LTN1: variants seen among roughly 807,000 people sequenced by gnomAD.
The protein encoded by LTN1 is listerin E3 ubiquitin protein ligase 1.
LTN1 carries 88 observed loss-of-function variants against 201.2 expected under a neutral mutation model. The ratio of observed to expected loss-of-function variants is 0.44; its 90% confidence interval spans 0.37 to 0.52. The LOEUF (loss-of-function observed/expected upper bound fraction) is 0.52. Ranked by LOEUF, LTN1 falls within the 20% of genes least tolerant of loss-of-function variation. The probability of loss-of-function intolerance (pLI) is 0.00; values close to 1 mark genes in which losing one functional copy is unlikely to be tolerated. For synonymous variants in LTN1, 645 were observed against 713.5 expected (o/e 0.90, Z 1.53); for missense variants, 1,752 against 2,038.7 (o/e 0.86, Z 2.71).
Position 28,943,733 on chromosome 21 carries a change from G to T in LTN1, c.4154C>A (p.Thr1385Lys). ...TCTGAAGAGGAGTAATGGGGCCAAT[G>T]TATTTAACAAAGTCTGGAGATATTC... ...LPEYLQTLLNTLAPLLLFRAR... is the reference protein window; with the variant it reads ...LPEYLQTLLNKLAPLLLFRAR... Residue 1385 changes from threonine to lysine, a missense_variant, in exon 23 of 30, where the codon ACA (threonine) becomes AAA (lysine). Thr to Lys is a moderately conservative substitution (Grantham distance 78, BLOSUM62 -1). Transcript: ENST00000361371. 3 of 1,613,854 alleles carry T rather than the reference G, an allele frequency of 1.9e-6. No individual in the cohort carries two copies. Among genetic ancestry groups the T allele is most frequent in the Non-Finnish European group, 2.5e-6 (3 of 1,179,868 alleles).
At chr21:28,979,574 C>T (rs918926529) in intron 6 of LTN1, among the ~76,000 whole-genome samples, 1 of 152,120 alleles carries the variant, frequency 6.6e-6, no homozygotes, top group African/African-American at 2.4e-5. Context: ...CTCAAGCACA[C>T]ACAAAAGCAC....
At chr21:28,970,270 G>A (rs1298781907) in intron 8 of LTN1, among the ~76,000 whole-genome samples, 1 of 152,096 alleles carries the variant, frequency 6.6e-6, no homozygotes, top group Non-Finnish European at 1.5e-5. Flanking sequence ...GGTGCAATTG[G>A]TTAGCACATT....
intron 6 of LTN1, among the ~76,000 whole-genome samples, chr21:28,973,689 G>A (rs1432365120): frequency 6.6e-6 from 1 of 152,070 alleles, no homozygotes; most frequent in Non-Finnish European, 1.5e-5. Context: ...AAACCATAAG[G>A]ACTGAGCAGA....
rs779077734 is a variant in LTN1, at chr21:28,944,386, T to C, written c.3979A>G (p.Thr1327Ala). Residue 1327 changes from threonine (T) to alanine (A), a missense_variant, in exon 22 of 30, where the codon ACA becomes GCA. Physicochemically the swap from Thr to Ala is moderately conservative, Grantham distance 58 (BLOSUM62 0). Around this residue, in one of 3 missense-constraint regions of LTN1, gnomAD observed 1,211 missense variants for 1,312.8 expected, o/e 0.92. Transcript: ENST00000361371. ...TATTATTCCCTTTTTCACTTGCCTG[T>C]AACAGTCACCAAAATAGGTAAAAGC... ...SLLLPILVTV[T>A]GENKDVSETS... The C allele has an allele frequency of 6.2e-7, 1 of 1,609,336 alleles. No individual in the cohort carries two copies. The highest frequency in any genetic ancestry group is 8.5e-7 in the Non-Finnish European group (1 of 1,175,682).
At chr21:28,965,358 T>C (rs2084512891) in intron 11 of LTN1, among the ~76,000 whole-genome samples, 1 of 152,214 alleles carries the variant, frequency 6.6e-6, no homozygotes, top group African/African-American at 2.4e-5. Context: ...GTAAATTGTT[T>C]ATGTTCTTTC....
At chr21:28,961,465 T>TCA (rs2084478496) in intron 11 of LTN1, 1 of 168,012 alleles carries the variant, frequency 6.0e-6, no homozygotes, top group Admixed American at 6.5e-5. Context: ...TGATCCATGT[T>TCA]CCCAGAGCTT....
intron 29 of LTN1, 74 bp from the exon 30 acceptor site, chr21:28,930,584 T>G (rs2084202997): frequency 1.0e-6 from 1 of 960,338 alleles, no homozygotes; most frequent in South Asian, 1.5e-5. Context: ...AAAGTACACA[T>G]ACATCTATAG....
intron 19 of LTN1, among the ~76,000 whole-genome samples, chr21:28,947,024 T>C (rs1235465811): frequency 6.6e-6 from 1 of 152,238 alleles, no homozygotes; most frequent in Non-Finnish European, 1.5e-5. Context: ...ATCTTTTTGC[T>C]ACATCGGTTA....
rs1323755400 is a variant in LTN1, at chr21:28,984,913, G to A, written c.355C>T (p.Arg119Cys). Residue 119 changes from arginine to cysteine, a missense_variant, in exon 4 of 30, where the codon CGT becomes TGT. By Grantham distance (180) the Arg-to-Cys change is radical. This residue lies in a region of LTN1 where 280 missense variants were observed against 375.7 expected (regional missense o/e 0.75). Coordinates refer to ENST00000361371, the MANE Select transcript of LTN1 (RefSeq NM_015565.3). The stretch of plus-strand genomic sequence containing the variant: ...TGTTGTGTGGCTTCTCGGACGCGAC[G>A]GTCATGATCCTATTAAAAATATAAA... ...IFCKISLDHD[R>C]RVREATQQAF... The A allele has an allele frequency of 5.0e-6, 8 of 1,608,564 alleles. No homozygotes were observed. Among genetic ancestry groups the A allele is most frequent in the Non-Finnish European group, 6.8e-6 (8 of 1,177,332 alleles).
In LTN1 at chr21:28,929,996, A is replaced by T. The variant is rs2084198412; in HGVS notation, c.*452T>A. On this transcript the variant is annotated 3_prime_UTR_variant, in exon 30 of 30. Transcript: ENST00000361371. ...ATCAGAATACTAATTTATTGTCATA[A>T]CTAATAAATAAGGCTTAAAATATCT... 1 of 152,542 alleles carries T rather than the reference A, an allele frequency of 6.6e-6. No individual in the cohort carries two copies. The highest frequency in any genetic ancestry group is 6.5e-5 in the Admixed American group (1 of 15,292). 9.4% of individuals were successfully genotyped at this position (152,542 alleles called of 1,614,324 possible).
At chr21:28,962,081 C>T (rs757845299) in intron 11 of LTN1, among the ~76,000 whole-genome samples, 1 of 152,172 alleles carries the variant, frequency 6.6e-6, no homozygotes, top group Admixed American at 6.6e-5. Context: ...AGAAAAACTA[C>T]TTTAGAGTTT....
At chr21:28,988,016 G>A (rs974990384) in intron 1 of LTN1, among the ~76,000 whole-genome samples, 2 of 151,996 alleles carry the variant, frequency 1.3e-5, no homozygotes, top group African/African-American at 4.8e-5. Flanking sequence ...GGTGGCGCAC[G>A]CCTGTAATCC....
In LTN1 at chr21:28,946,611, TA is replaced by T. The variant is rs1224407859; in HGVS notation, c.3488-325del. On this transcript the variant is annotated intron_variant, in intron 19 of 29. Transcript: ENST00000361371. ...ATATTCAGCAAACTCATCATTCAAATAAAAAAAACCCTACAGCTACAGAGTA... is the reference window on the plus strand; with the variant it reads ...ATATTCAGCAAACTCATCATTCAAATAAAAAAACCCTACAGCTACAGAGTA... Among the ~76,000 whole-genome samples, 3 of 151,822 alleles carry T rather than the reference TA, an allele frequency of 2.0e-5. No individual in the cohort carries two copies. In the South Asian group the frequency reaches 6.2e-4, roughly 32 times the overall value.
rs1299014274 is a variant in LTN1 at position 28,930,157 on chromosome 21, GT to G, written c.*290del. ...CAAATTCCAATTCTGTAATTTAGGG[GT>G]TTTTCATATTTATTTTTAAATATAC... On this transcript the variant is annotated 3_prime_UTR_variant, in exon 30 of 30. Transcript: ENST00000361371. 8.1e-6 allele frequency: 2 copies of G among 248,086 alleles called. No individual in the cohort carries two copies. Among genetic ancestry groups the G allele is most frequent in the Non-Finnish European group, 1.5e-5 (2 of 131,876 alleles). The allele number at this position is 248,086 out of a possible 1,614,324, so 15.4% of individuals were successfully genotyped here.
At chr21:28,984,992 T>C (rs1405750969) in intron 3 of LTN1, 70 bp from the exon 4 acceptor site, 11 of 1,042,048 alleles carry the variant, frequency 1.1e-5, no homozygotes, top group South Asian at 3.0e-5. Context: ...TTTCCGGATA[T>C]GCTATAATGA....
intron 4 of LTN1, among the ~76,000 whole-genome samples, chr21:28,984,151 T>G (rs2146316612): frequency 6.6e-6 from 1 of 152,300 alleles, no homozygotes. Context: ...GAAGTTCTAG[T>G]AAGTATCACT....
At chr21:28,954,326 G>C (rs1030721084) in intron 16 of LTN1, among the ~76,000 whole-genome samples, 3 of 152,130 alleles carry the variant, frequency 2.0e-5, no homozygotes, top group African/African-American at 7.2e-5. Context: ...CTGTGTTACA[G>C]CTGAGGGCTT....
At chr21:28,981,638 T>C (rs1362717467) in intron 5 of LTN1, among the ~76,000 whole-genome samples, 1 of 152,220 alleles carries the variant, frequency 6.6e-6, no homozygotes, top group Non-Finnish European at 1.5e-5. Flanking sequence ...AAACTTTGAT[T>C]AGAATATAGA....
At chr21:28,982,446 A>T (rs2084666588) in intron 4 of LTN1, 78 bp from the exon 5 acceptor site, 1 of 1,079,648 alleles carries the variant, frequency 9.3e-7, no homozygotes, top group Admixed American at 2.0e-5. Context: ...AGTTAAATAA[A>T]ATCCACTTTT....
Sources: allele counts gnomAD v4.1 joint callset (sites outside exome capture counted in the v4.1 genomes callset), GRCh38; gene constraint gnomAD v4.1.1; regional missense constraint gnomAD v4.1.1; transcripts MANE v1.5; gene names NCBI Gene and HGNC (gene_info 2026-07-23, HGNC 2026-07-21).